POC1A: variants seen among roughly 807,000 people sequenced by gnomAD.
POC1A encodes the protein POC1 centriolar protein homolog A.
In POC1A, 34 loss-of-function variants were observed where a neutral mutation model predicts 47.8. The observed-to-expected ratio is 0.71, with a 90% CI of 0.54 to 0.95. The LOEUF (loss-of-function observed/expected upper bound fraction) is 0.95. Among genes scored for constraint, POC1A ranks in the 40% least tolerant of loss-of-function variants. The probability of loss-of-function intolerance (pLI) is 0.00; values close to 1 mark genes in which losing one functional copy is unlikely to be tolerated. For synonymous variants in POC1A, 177 were observed against 207.6 expected (o/e 0.85, Z 1.27); for missense variants, 466 against 528.3 (o/e 0.88, Z 1.16).
intron 10 of POC1A, among the ~76,000 whole-genome samples, chr3:52,081,677 T>C (rs898748731): frequency 3.3e-5 from 5 of 152,114 alleles, no homozygotes; most frequent in Non-Finnish European, 5.9e-5. Context: ...CTGCAAGTCA[T>C]GCCTAGCAGC....
chr3:52,136,913 T>C (rs903083192), intron 7 of POC1A, among the ~76,000 whole-genome samples: 9 of 152,262 alleles, frequency 5.9e-5, no homozygotes, highest in African/African-American at 2.2e-4. Flanking sequence ...GGCATCTGTT[T>C]CAAACTGTTT....
intron 9 of POC1A, among the ~76,000 whole-genome samples, chr3:52,106,180 C>CA (rs11350232): frequency 0.011 from 836 of 73,340 alleles, 21 homozygotes; most frequent in African/African-American, 0.034. Flanking sequence ...GACTACGTCT[C>CA]AAAAAAAAAA....
intron 8 of POC1A, 151 bp downstream of exon 8, chr3:52,124,962 C>G (rs554889942): frequency 1.6e-6 from 1 of 617,112 alleles, no homozygotes; most frequent in African/African-American, 1.9e-5. Flanking sequence ...GGCAACCCCA[C>G]CCCAAGCGCC....
chr3:52,087,347 C>CA (rs765410305), intron 10 of POC1A, among the ~76,000 whole-genome samples: 6 of 152,134 alleles, frequency 3.9e-5, no homozygotes, highest in East Asian at 1.9e-4. Flanking sequence ...CCAATTCACA[C>CA]AAAAAAACAA....
intron 9 of POC1A, among the ~76,000 whole-genome samples, chr3:52,103,998 CA>C (rs2107007646): frequency 6.6e-6 from 1 of 152,222 alleles, no homozygotes; most frequent in South Asian, 2.1e-4. Flanking sequence ...CGTATTTACC[CA>C]AGAAAATGGA....
intron 9 of POC1A, among the ~76,000 whole-genome samples, chr3:52,107,485 A>C (rs1324576308): frequency 6.6e-6 from 1 of 152,222 alleles, no homozygotes; most frequent in Non-Finnish European, 1.5e-5. Context: ...GTGTGGGAGC[A>C]TTCTCTCTCA....
intron 7 of POC1A, among the ~76,000 whole-genome samples, chr3:52,131,819 C>T (rs1704223730): frequency 6.6e-6 from 1 of 151,680 alleles, no homozygotes; most frequent in Non-Finnish European, 1.5e-5. Context: ...AGATGAACCC[C>T]TGAGAGATTC....
chr3:52,104,694 T>C (rs967718268), intron 9 of POC1A, among the ~76,000 whole-genome samples: 2 of 152,212 alleles, frequency 1.3e-5, no homozygotes, highest in Non-Finnish European at 2.9e-5. Flanking sequence ...GTCTGGGAAT[T>C]ACATTTTCCA....
chr3:52,121,157 T>G (rs945516230), intron 9 of POC1A, among the ~76,000 whole-genome samples: 1 of 152,124 alleles, frequency 6.6e-6, no homozygotes, highest in African/African-American at 2.4e-5. Flanking sequence ...ATAAACAGGG[T>G]AGCGAGCATA....
At position 52,145,854 on chromosome 3, in the gene POC1A, T is replaced by A; in HGVS notation, c.671A>T (p.His224Leu). The A allele has an allele frequency of 6.2e-7, 1 of 1,611,340 alleles. No individual in the cohort carries two copies. The highest frequency in any genetic ancestry group is 1.7e-4 in the Middle Eastern group (1 of 6,056). Residue 224 changes from histidine to leucine, a missense_variant, in exon 6 of 11, where the codon CAT (histidine) becomes CTT (leucine). His to Leu is a moderately conservative substitution (Grantham distance 99). Coordinates refer to ENST00000296484, the MANE Select transcript of POC1A (RefSeq NM_015426.5). Reference sequence around the variant, plus strand: ...GGCTGTTCACCACTCACACTGATAATGCTGCAGCAGCCGGTGAGTCCGCAC... The same window carrying A: ...GGCTGTTCACCACTCACACTGATAAAGCTGCAGCAGCCGGTGAGTCCGCAC... ...WDVRTHRLLQHYQLHSAAVNG... is the reference protein window; with the variant it reads ...WDVRTHRLLQLYQLHSAAVNG...
At chr3:52,125,865 G>A (rs1344249164) in intron 7 of POC1A, among the ~76,000 whole-genome samples, 4 of 152,178 alleles carry the variant, frequency 2.6e-5, no homozygotes, top group African/African-American at 4.8e-5. Flanking sequence ...CCAGGCACAC[G>A]CCAGGCCGCA....
chr3:52,120,199 T>C (rs1265365244), intron 9 of POC1A, among the ~76,000 whole-genome samples: 2 of 152,246 alleles, frequency 1.3e-5, no homozygotes, highest in African/African-American at 4.8e-5. Context: ...TGAGAATATA[T>C]TTAATGCCAC....
At chr3:52,153,982 G>A (rs1481979560) in intron 1 of POC1A, among the ~76,000 whole-genome samples, 1 of 152,268 alleles carries the variant, frequency 6.6e-6, no homozygotes, top group Non-Finnish European at 1.5e-5. Flanking sequence ...TGCTGGAGCA[G>A]GGTGTACCCT....
intron 9 of POC1A, among the ~76,000 whole-genome samples, chr3:52,117,153 A>G (rs1703594502): frequency 6.6e-6 from 1 of 150,882 alleles, no homozygotes; most frequent in South Asian, 2.1e-4. Context: ...GTGCCACTGC[A>G]CTCCAGCCTG....
At chr3:52,113,534 C>T (rs1489741364) in intron 9 of POC1A, among the ~76,000 whole-genome samples, 1 of 152,166 alleles carries the variant, frequency 6.6e-6, no homozygotes, top group Non-Finnish European at 1.5e-5. Context: ...GAAACACTGT[C>T]TCTACTAAAA....
In POC1A at chr3:52,096,605, C is replaced by T. The variant is rs764487961; in HGVS notation, c.1089G>A (p.Leu363=). The stretch of plus-strand genomic sequence containing the variant: ...CATCCAGCTGGCCCACAATGTGCTC[C>T]AGCGTGCTAGTCAGTGTCTGGGGCA... ...VSVPQTLTST[L]EHIVGQLDVL... The change falls in exon 10 of 11, where the codon CTG becomes CTA. Residue 363 remains leucine, a synonymous_variant. Transcript: ENST00000296484. 1 of 1,608,134 alleles carries T rather than the reference C, an allele frequency of 6.2e-7. No homozygotes were observed. The highest frequency in any genetic ancestry group is 8.5e-7 in the Non-Finnish European group (1 of 1,177,256).
chr3:52,078,779 G>A (rs112255780), intron 10 of POC1A, among the ~76,000 whole-genome samples: 2,894 of 152,278 alleles, frequency 0.019, 80 homozygotes, highest in African/African-American at 0.062. Flanking sequence ...GATTACAGGC[G>A]TGAGCCCCTG....
chr3:52,147,009 T>C lies in POC1A; in HGVS notation c.542A>G (p.His181Arg). Residue 181 changes from histidine to arginine, a missense_variant, in exon 5 of 11, where the codon CAC (histidine) becomes CGC (arginine). His to Arg is a conservative substitution (Grantham distance 29). Transcript: ENST00000296484. ...LWDKSSRECV[H>R]SYCEHGGFVT... Reference sequence around the variant, plus strand: ...TCACCCGCCATGCTCACAATACGAGTGGACACATTCCCGGCTGCTCTTGTC... The same window carrying C: ...TCACCCGCCATGCTCACAATACGAGCGGACACATTCCCGGCTGCTCTTGTC... 1 of 1,613,934 alleles carries C rather than the reference T, an allele frequency of 6.2e-7. No individual in the cohort carries two copies. Among genetic ancestry groups the C allele is most frequent in the South Asian group, 1.1e-5 (1 of 91,080 alleles).
rs1326895342 is a variant in POC1A at position 52,150,875 on chromosome 3, C to G, written c.103+141G>C. 4.3e-6 allele frequency: 3 copies of G among 701,424 alleles called. No individual in the cohort carries two copies. In the African/African-American group the frequency reaches 5.4e-5, roughly 13 times the overall value. The allele number at this position is 701,424 out of a possible 1,614,324, so 43.5% of individuals were successfully genotyped here. A position where few individuals can be genotyped will look rare whatever the true frequency, so the allele number is the denominator to read the frequency against. ...TGAAGCCCAGTGCCCAAAGAGCTGG[C>G]AAGCAGAAGCAAGACTAGAAGCAGG... On this transcript the variant is annotated intron_variant, in intron 2 of 10. Coordinates refer to ENST00000296484, the MANE Select transcript of POC1A (RefSeq NM_015426.5).
Sources: allele counts gnomAD v4.1 joint callset (sites outside exome capture counted in the v4.1 genomes callset), GRCh38; gene constraint gnomAD v4.1.1; transcripts MANE v1.5; gene names NCBI Gene and HGNC (gene_info 2026-07-23, HGNC 2026-07-21).